PILRA: variants seen among roughly 807,000 people sequenced by gnomAD.
The protein encoded by PILRA is paired immunoglobin like type 2 receptor alpha.
Under a neutral mutation model 33.1 loss-of-function variants are expected in PILRA, and 37 were observed. The ratio of observed to expected loss-of-function variants is 1.12; its 90% CI spans 0.86 to 1.47. The LOEUF is 1.47. PILRA is among the 40% of genes most tolerant of loss of function. The probability of loss-of-function intolerance (pLI) is 0.00; values close to 1 mark genes in which losing one functional copy is unlikely to be tolerated. For synonymous variants in PILRA, 146 were observed against 149.9 expected, an observed-to-expected ratio of 0.97 and a Z score of 0.19; for missense variants, 312 against 376.2, an observed-to-expected ratio of 0.83 and a Z score of 1.41.
chr7:100,386,101 TGTA>T (rs1791247410), intron 2 of PILRA, among the ~76,000 whole-genome samples: 1 of 152,042 alleles, frequency 6.6e-6, no homozygotes, highest in African/African-American at 2.4e-5. Flanking sequence ...ACCTAATTTT[TGTA>T]GTTTCACCAA....
At chr7:100,372,175 G>GGTT (rs1204724355), upstream of PILRA, among the ~76,000 whole-genome samples, 1 of 152,146 alleles carries the variant, frequency 6.6e-6, no homozygotes. Context: ...TTTCCCTGTG[G>GGTT]GTTGAATGGA....
intron 2 of PILRA, among the ~76,000 whole-genome samples, chr7:100,383,139 A>G (rs1293562221): frequency 1.3e-5 from 2 of 152,308 alleles, no homozygotes; most frequent in African/African-American, 2.4e-5. Context: ...AGCCTGGTGT[A>G]GGGTAACTGG....
Position 100,390,105 on chromosome 7 carries a change from A to C in PILRA, c.672A>C (p.Lys224Asn). The C allele has an allele frequency of 1.2e-6, 2 of 1,613,636 alleles. No homozygotes were observed. The highest frequency in any genetic ancestry group is 1.7e-6 in the Non-Finnish European group (2 of 1,179,698). Residue 224 changes from lysine to asparagine, a missense_variant and splice_region_variant, in exon 3 of 7, where the codon AAA becomes AAC. Lys to Asn is a moderately conservative substitution (Grantham distance 94, BLOSUM62 0). Coordinates refer to ENST00000198536, the MANE Select transcript of PILRA (RefSeq NM_013439.3). ...LICLLRWRRR[K>N]GQQRTKATTP... ...GCCTCCTCAGGTGGAGGAGAAGGAA[A>C]GGTAAGTGCCCAGGACCCGCCCTCT...
chr7:100,379,690 A>T (rs1243282827), intron 2 of PILRA, among the ~76,000 whole-genome samples: 2 of 151,586 alleles, frequency 1.3e-5, no homozygotes, highest in African/African-American at 2.4e-5. Flanking sequence ...AAAAAAAAAA[A>T]ATTAATGCAT....
At chr7:100,375,258 G>A (rs1790918917) in intron 2 of PILRA, among the ~76,000 whole-genome samples, 1 of 152,164 alleles carries the variant, frequency 6.6e-6, no homozygotes. Flanking sequence ...ATTCATTGAG[G>A]CACCATGGCA....
intron 2 of PILRA, among the ~76,000 whole-genome samples, chr7:100,385,165 AAC>A (rs2130197838): frequency 6.6e-6 from 1 of 152,376 alleles, no homozygotes; most frequent in African/African-American, 2.4e-5. Flanking sequence ...ATAGAAGGTT[AAC>A]ACAAAAATAA....
chr7:100,388,749 C>CAAAAAAAA (rs913179599), intron 2 of PILRA, among the ~76,000 whole-genome samples: 1 of 12,862 alleles, frequency 7.8e-5, no homozygotes, highest in Non-Finnish European at 1.9e-4. Flanking sequence ...GCCTCCGTCT[C>CAAAAAAAA]AAAAAAAAAA....
At chr7:100,375,567 A>G (rs982458305) in intron 2 of PILRA, among the ~76,000 whole-genome samples, 1 of 152,190 alleles carries the variant, frequency 6.6e-6, no homozygotes, top group Non-Finnish European at 1.5e-5. Context: ...CCCCGTCTCT[A>G]CTAAACATAC....
At chr7:100,390,636 G>A (rs2130219841) in intron 3 of PILRA, among the ~76,000 whole-genome samples, 1 of 152,308 alleles carries the variant, frequency 6.6e-6, no homozygotes, top group Middle Eastern at 3.4e-3. Flanking sequence ...CTTAATAAGG[G>A]TGGGAAGAAG....
chr7:100,399,765 C>T lies in PILRA; in HGVS notation c.790-20C>T, dbSNP rs948660764. The T allele has an allele frequency of 1.6e-5, 26 of 1,610,328 alleles. No homozygotes were observed. Among genetic ancestry groups the T allele is most frequent in the Non-Finnish European group, 2.2e-5 (26 of 1,178,054 alleles). On this transcript the variant is annotated intron_variant, in intron 6 of 6. Coordinates refer to ENST00000198536, the MANE Select transcript of PILRA (RefSeq NM_013439.3). The stretch of plus-strand genomic sequence containing the variant: ...CTCCGTCTCCACTGTCTAACCCTTT[C>T]TCTCTGGGTTCTCGCCCAGGATGAC...
At chr7:100,399,179 T>C in intron 4 of PILRA, 112 bp from the exon 5 acceptor site, 1 of 681,660 alleles carries the variant, frequency 1.5e-6, no homozygotes, top group Non-Finnish European at 2.6e-6. Context: ...GATCAAGCAA[T>C]GGCCACCTGC....
chr7:100,384,994 C>A (rs1454407028), intron 2 of PILRA, among the ~76,000 whole-genome samples: 2 of 152,100 alleles, frequency 1.3e-5, no homozygotes, highest in Non-Finnish European at 1.5e-5. Flanking sequence ...TAACTCACTT[C>A]ACAAAAGGGA....
intron 2 of PILRA, among the ~76,000 whole-genome samples, chr7:100,383,760 C>T (rs113635013): frequency 1.3e-5 from 2 of 152,014 alleles, no homozygotes; most frequent in African/African-American, 4.8e-5. Context: ...CATCAGCCTC[C>T]TGAGTAGCTG....
upstream of PILRA, among the ~76,000 whole-genome samples, chr7:100,372,252 G>A (rs1157342250): frequency 6.6e-6 from 1 of 151,992 alleles, no homozygotes; most frequent in African/African-American, 2.4e-5. Context: ...CTCAGACGGA[G>A]GGGTTTCCTG....
intron 1 of PILRA, 32 bp downstream of exon 1, chr7:100,373,752 C>T (rs1334699799): frequency 3.1e-6 from 5 of 1,611,300 alleles, no homozygotes; most frequent in South Asian, 1.1e-5. Flanking sequence ...GATGTGGGCT[C>T]TGCCCAAACC....
At chr7:100,374,964 C>T (rs750584138) in intron 2 of PILRA, among the ~76,000 whole-genome samples, 2 of 152,150 alleles carry the variant, frequency 1.3e-5, no homozygotes, top group South Asian at 4.1e-4. Context: ...AGCCCTATCA[C>T]CTGGGTTCCC....
At chr7:100,382,052 C>G (rs1021290253) in intron 2 of PILRA, among the ~76,000 whole-genome samples, 1 of 150,402 alleles carries the variant, frequency 6.6e-6, no homozygotes. Flanking sequence ...CAAGCCTCCA[C>G]GAGGAGCGCC....
At position 100,373,582 on chromosome 7, in the gene PILRA, CG is replaced by C; in HGVS notation, c.-73del. 6.5e-7 allele frequency: 1 copy of C among 1,533,642 alleles called. No homozygotes were observed. Among genetic ancestry groups the C allele is most frequent in the Non-Finnish European group, 9.0e-7 (1 of 1,111,456 alleles). On this transcript the variant is annotated 5_prime_UTR_variant, in exon 1 of 7. Coordinates refer to ENST00000198536, the MANE Select transcript of PILRA (RefSeq NM_013439.3). ...CTCCTCACTCACCTCAACCCCCAGG[CG>C]GCCCCTCCACAGGGCCCCTCTCCTG... is the stretch of plus-strand genomic sequence containing the variant.
At chr7:100,375,832 G>T (rs1003850277) in intron 2 of PILRA, among the ~76,000 whole-genome samples, 1 of 152,260 alleles carries the variant, frequency 6.6e-6, no homozygotes, top group Non-Finnish European at 1.5e-5. Context: ...CTATTGAGTT[G>T]ACCATAGTGT....
Sources: gnomAD v4.1 joint callset for allele counts (sites outside exome capture counted in the v4.1 genomes callset) on GRCh38, gnomAD v4.1.1 for gene constraint, MANE v1.5 for transcripts, NCBI Gene and HGNC (gene_info 2026-07-23, HGNC 2026-07-21) for gene names.